The following XCR1 variants were observed in gnomAD, a reference collection of about 807,000 sequenced individuals.
XCR1 encodes X-C motif chemokine receptor 1.
For synonymous variants in XCR1, 187 were observed against 188.5 expected (o/e 0.99, Z 0.06); for missense variants, 356 against 424.2 (o/e 0.84, Z 1.41).
chr3:46,028,800 C>T (rs1308535656), upstream of XCR1, among the ~76,000 whole-genome samples: 1 of 152,130 alleles, frequency 6.6e-6, no homozygotes, highest in Non-Finnish European at 1.5e-5. Flanking sequence ...CTATATTGCC[C>T]AGACTAATCT....
At chr3:46,080,935 C>T (rs72889759) in intron 1 of XCR1, among the ~76,000 whole-genome samples, 13,992 of 152,170 alleles carry the variant, frequency 0.092, 2,187 homozygotes, top group African/African-American at 0.32. Context: ...ACCTTTAGGA[C>T]CCTTTGATAT....
chr3:46,043,723 C>CACACACAT (rs770607756), intron 5 of XCR1, among the ~76,000 whole-genome samples: 41 of 56,948 alleles, frequency 7.2e-4, no homozygotes, highest in African/African-American at 5.4e-3. Context: ...TCTCTACACA[C>CACACACAT]ACACACACAC....
At chr3:46,038,030 GT>G (rs368953503) in intron 5 of XCR1, among the ~76,000 whole-genome samples, 74 of 123,186 alleles carry the variant, frequency 6.0e-4, no homozygotes, top group Middle Eastern at 4.1e-3. Flanking sequence ...TTTGTTTTTT[GT>G]TTTTTTTTTT....
At chr3:46,039,984 A>G (rs1256288968) in intron 5 of XCR1, among the ~76,000 whole-genome samples, 4 of 152,226 alleles carry the variant, frequency 2.6e-5, no homozygotes, top group Admixed American at 6.5e-5. Flanking sequence ...ACTGATTAAA[A>G]TTAGATTTGT....
intron 5 of XCR1, among the ~76,000 whole-genome samples, chr3:46,040,555 A>G (rs541944866): frequency 5.3e-5 from 8 of 152,172 alleles, no homozygotes; most frequent in Non-Finnish European, 1.0e-4. Flanking sequence ...TTCCAGGATT[A>G]TATGATATTC....
intron 4 of XCR1, among the ~76,000 whole-genome samples, chr3:46,064,752 T>C (rs1337985971): frequency 6.6e-6 from 1 of 152,146 alleles, no homozygotes; most frequent in Non-Finnish European, 1.5e-5. Context: ...GCCCCAGGTA[T>C]CCACCAGCTC....
intron 2 of XCR1, among the ~76,000 whole-genome samples, chr3:46,076,567 C>T (rs1489370288): frequency 7.6e-6 from 1 of 131,046 alleles, no homozygotes; most frequent in African/African-American, 3.2e-5. Flanking sequence ...CAAATGGTAG[C>T]CATTATTTTG....
At chr3:46,050,342 A>C (rs1213301426) in intron 5 of XCR1, among the ~76,000 whole-genome samples, 1 of 152,106 alleles carries the variant, frequency 6.6e-6, no homozygotes, top group African/African-American at 2.4e-5. Flanking sequence ...AATATCTCCT[A>C]ATTGTTGAAA....
intron 5 of XCR1, among the ~76,000 whole-genome samples, chr3:46,036,113 C>T (rs1470704255): frequency 6.6e-6 from 1 of 152,116 alleles, no homozygotes; most frequent in Non-Finnish European, 1.5e-5. Context: ...TAATGCTTGT[C>T]CCCAATATTG....
At chr3:46,042,049 C>A (rs1368036409) in intron 5 of XCR1, among the ~76,000 whole-genome samples, 1 of 152,146 alleles carries the variant, frequency 6.6e-6, no homozygotes, top group Non-Finnish European at 1.5e-5. Flanking sequence ...CAGAGTGAAC[C>A]ACTGGTGTTT....
chr3:46,075,616 A>G (rs964504401), intron 2 of XCR1, among the ~76,000 whole-genome samples: 1 of 152,186 alleles, frequency 6.6e-6, no homozygotes, highest in Non-Finnish European at 1.5e-5. Context: ...ATATTTTCCA[A>G]CCACATATCA....
At chr3:46,065,372 A>C (rs1698049305) in intron 4 of XCR1, among the ~76,000 whole-genome samples, 1 of 152,144 alleles carries the variant, frequency 6.6e-6, no homozygotes, top group Non-Finnish European at 1.5e-5. Context: ...CTAGCAACTT[A>C]ACTTTGATGT....
In XCR1 at chr3:46,020,709, T is replaced by G; in HGVS notation, c.*237A>C. The G allele has an allele frequency of 3.5e-6, 2 of 568,916 alleles. No individual in the cohort carries two copies. Among genetic ancestry groups the G allele is most frequent in the Non-Finnish European group, 3.1e-6 (1 of 324,516 alleles). The allele number at this position is 568,916 out of a possible 1,614,324, so 35.2% of individuals were successfully genotyped here. On this transcript the variant is annotated 3_prime_UTR_variant, in exon 2 of 2. Coordinates refer to ENST00000309285, the MANE Select transcript of XCR1 (RefSeq NM_001024644.2). ...AGGAGCGTGCAAGATGAACTCAGAG[T>G]TCAAGAAATGTTTTTTTGGATGGCA... is the stretch of plus-strand genomic sequence containing the variant.
chr3:46,054,747 T>C (rs1253344040), intron 4 of XCR1, among the ~76,000 whole-genome samples: 1 of 152,086 alleles, frequency 6.6e-6, no homozygotes, highest in Non-Finnish European at 1.5e-5. Context: ...TAGAGGTTTA[T>C]ATAGCAGGAA....
intron 3 of XCR1, among the ~76,000 whole-genome samples, chr3:46,074,536 T>C (rs763305750): frequency 6.6e-6 from 1 of 152,024 alleles, no homozygotes; most frequent in Non-Finnish European, 1.5e-5. Flanking sequence ...ATTTGGGTGA[T>C]AGATACACTA....
intron 1 of XCR1, among the ~76,000 whole-genome samples, chr3:46,082,451 T>C (rs1003250095): frequency 4.7e-5 from 7 of 149,904 alleles, no homozygotes; most frequent in African/African-American, 1.7e-4. Context: ...AGGATATATG[T>C]AAACAAATGC....
Position 46,020,672 on chromosome 3 carries a change from A to T in XCR1, c.*274T>A, listed in dbSNP as rs1708121900. ...TGAACTAAACAGTGATTAGAAACACATGTCTAAATGAAGGAGCGTGCAAGA... is the reference window on the plus strand; with the variant it reads ...TGAACTAAACAGTGATTAGAAACACTTGTCTAAATGAAGGAGCGTGCAAGA... On this transcript the variant is annotated 3_prime_UTR_variant, in exon 2 of 2. Coordinates refer to ENST00000309285, the MANE Select transcript of XCR1 (RefSeq NM_001024644.2). 8.0e-6 allele frequency: 4 copies of T among 499,250 alleles called. No individual in the cohort carries two copies. In the Middle Eastern group the frequency reaches 1.6e-3, roughly 204 times the overall value. The allele number at this position is 499,250 out of a possible 1,614,324, so 30.9% of individuals were successfully genotyped here.
intron 4 of XCR1, among the ~76,000 whole-genome samples, chr3:46,058,770 GC>G (rs1156803330): frequency 6.6e-6 from 1 of 152,130 alleles, no homozygotes; most frequent in Non-Finnish European, 1.5e-5. Flanking sequence ...TTACCATGTT[GC>G]CTAGGCTGGT....
intron 1 of XCR1, among the ~76,000 whole-genome samples, chr3:46,077,374 T>C (rs1179257022): frequency 6.6e-6 from 1 of 151,802 alleles, no homozygotes; most frequent in African/African-American, 2.4e-5. Context: ...GCATGCTCCT[T>C]ACGAAAATCT....
Sources: allele counts gnomAD v4.1 joint callset (sites outside exome capture counted in the v4.1 genomes callset), GRCh38; gene constraint gnomAD v4.1.1; transcripts MANE v1.5; gene names NCBI Gene and HGNC (gene_info 2026-07-23, HGNC 2026-07-21).